Variants in CSMD1 observed in about 807,000 individuals in gnomAD.
CSMD1 encodes the protein CUB and sushi domain-containing protein 1.
A neutral mutation model predicts 417.5 loss-of-function variants in CSMD1; 213 were observed. That is an observed-to-expected ratio of 0.51 (90% CI 0.46 to 0.57). The LOEUF is 0.57. Ranked by LOEUF, CSMD1 falls within the 20% of genes least tolerant of loss-of-function variation. The probability of loss-of-function intolerance (pLI) is 0.00; values close to 1 mark genes in which losing one functional copy is unlikely to be tolerated. For missense variants in CSMD1, 6,923 were observed against 4,529.7 expected (o/e 1.53, Z -15.17); for synonymous variants, 2,862 against 1,736.8 (o/e 1.65, Z -16.11).
rs988351340 is a variant in CSMD1, at chr8:2,938,040, G to C, written c.*545C>G. The C allele has an allele frequency of 2.0e-5, 3 of 152,720 alleles. No homozygotes were observed. The highest frequency in any genetic ancestry group is 4.8e-5 in the African/African-American group (2 of 41,470). The allele number at this position is 152,720 out of a possible 1,614,324, so 9.5% of individuals were successfully genotyped here. ...GCTGTGAGGTCCTCAAAGCTTGTCA[G>C]GTCTCGGAAGGACAGAGTGAAGCAT... On this transcript the variant is annotated 3_prime_UTR_variant, in exon 70 of 70. Coordinates refer to ENST00000635120, the MANE Select transcript of CSMD1 (RefSeq NM_033225.6).
chr8:3,182,450 A>C (rs1429582354), intron 36 of CSMD1, among the ~76,000 whole-genome samples: 3 of 152,006 alleles, frequency 2.0e-5, no homozygotes, highest in African/African-American at 7.2e-5. Flanking sequence ...CCTGACCTCA[A>C]GTGATCTGCT....
chr8:3,088,030 T>A (rs1049811243), intron 48 of CSMD1, among the ~76,000 whole-genome samples: 1 of 152,222 alleles, frequency 6.6e-6, no homozygotes, highest in African/African-American at 2.4e-5. Context: ...ATTAACCTTC[T>A]TTTTTAGCAT....
intron 5 of CSMD1, among the ~76,000 whole-genome samples, chr8:3,919,714 G>C (rs1809096842): frequency 6.6e-6 from 1 of 152,054 alleles, no homozygotes; most frequent in African/African-American, 2.4e-5. Context: ...ATCTGTAGAT[G>C]ACTTTGCGTA....
chr8:3,878,939 T>C (rs1007353462), intron 5 of CSMD1, among the ~76,000 whole-genome samples: 1 of 152,170 alleles, frequency 6.6e-6, no homozygotes, highest in Non-Finnish European at 1.5e-5. Flanking sequence ...AGAAAATAAC[T>C]TTAATATATG....
chr8:4,717,834 T>A (rs1294009771), intron 1 of CSMD1, among the ~76,000 whole-genome samples: 1 of 152,106 alleles, frequency 6.6e-6, no homozygotes, highest in Non-Finnish European at 1.5e-5. Flanking sequence ...ACCCCAGGAA[T>A]CTCTTCACAT....
intron 44 of CSMD1, among the ~76,000 whole-genome samples, 173 bp from the exon 45 acceptor site, chr8:3,107,971 A>G (rs1382864759): frequency 6.6e-6 from 1 of 152,312 alleles, no homozygotes; most frequent in Non-Finnish European, 1.5e-5. Flanking sequence ...TGTTCATATT[A>G]TTATTTAGTG....
intron 2 of CSMD1, among the ~76,000 whole-genome samples, chr8:4,503,895 C>G (rs1315652331): frequency 1.3e-5 from 2 of 151,230 alleles, no homozygotes; most frequent in Admixed American, 1.3e-4. Context: ...CCTCTCCTAC[C>G]TGATTCTGCT....
Position 3,179,134 on chromosome 8 carries a change from A to T in CSMD1, c.5725+1976T>A, listed in dbSNP as rs570278969. The stretch of plus-strand genomic sequence containing the variant: ...CTAATTCTTTGTATTTTTAGTAGAT[A>T]CGGGGTTTCAACGTGTTAGCCAGGA... On this transcript the variant is annotated intron_variant, in intron 37 of 69. Transcript: ENST00000635120. 3.3e-5 allele frequency among the ~76,000 whole-genome samples: 5 copies of T among 150,930 alleles called. No individual in the cohort carries two copies. The East Asian group carries it at 5.9e-4, about 18-fold the overall frequency.
intron 1 of CSMD1, among the ~76,000 whole-genome samples, chr8:4,691,245 AG>A (rs1039246639): frequency 3.0e-4 from 45 of 152,302 alleles, no homozygotes; most frequent in African/African-American, 1.1e-3. Context: ...TAAATGGGAA[AG>A]CCAACCTGTC....
At chr8:3,347,930 TAGAC>T (rs1342376475) in intron 22 of CSMD1, 58 bp downstream of exon 22, 3 of 1,163,542 alleles carry the variant, frequency 2.6e-6, no homozygotes, top group South Asian at 3.1e-5. Flanking sequence ...GAAAAATAGA[TAGAC>T]AATGTATTTT....
intron 2 of CSMD1, among the ~76,000 whole-genome samples, chr8:4,480,331 G>C (rs1241800889): frequency 6.6e-6 from 1 of 152,122 alleles, no homozygotes; most frequent in East Asian, 1.9e-4. Context: ...TGCAGCCTTT[G>C]AGAAACTGGT....
chr8:4,748,636 G>A (rs1811108136), intron 1 of CSMD1, among the ~76,000 whole-genome samples: 1 of 152,122 alleles, frequency 6.6e-6, no homozygotes, highest in Admixed American at 6.5e-5. Flanking sequence ...TTTATTGACT[G>A]GAATGTCTCC....
intron 1 of CSMD1, among the ~76,000 whole-genome samples, chr8:4,956,674 G>A (rs1809134740): frequency 1.3e-5 from 2 of 151,952 alleles, no homozygotes; most frequent in Non-Finnish European, 2.9e-5. Context: ...AAACAAACAA[G>A]TTGATATTCA....
intron 1 of CSMD1, among the ~76,000 whole-genome samples, chr8:4,753,960 C>G (rs1221763099): frequency 6.6e-6 from 1 of 152,164 alleles, no homozygotes; most frequent in Non-Finnish European, 1.5e-5. Flanking sequence ...TTTAAAAAAG[C>G]AAATGAACAG....
intron 1 of CSMD1, among the ~76,000 whole-genome samples, chr8:4,694,814 T>G (rs958885618): frequency 1.3e-5 from 2 of 152,100 alleles, no homozygotes; most frequent in Non-Finnish European, 2.9e-5. Context: ...AAAATAAACT[T>G]TCTAAATTGA....
At position 4,839,572 on chromosome 8, in the gene CSMD1, G is replaced by A. The variant is rs556813021; in HGVS notation, c.85+154760C>T. On this transcript the variant is annotated intron_variant, in intron 1 of 69. Transcript: ENST00000635120. ...TGGACCACTAAAATGAACAACGATC[G>A]GCCCAAGAGATGAAATAACATAGTT... is the stretch of plus-strand genomic sequence containing the variant. 8.5e-5 allele frequency among the ~76,000 whole-genome samples: 13 copies of A among 152,062 alleles called. No individual in the cohort carries two copies. The East Asian group carries it at 1.7e-3, about 20-fold the overall frequency.
chr8:4,594,288 C>G (rs1365353708), intron 2 of CSMD1, among the ~76,000 whole-genome samples: 1 of 145,646 alleles, frequency 6.9e-6, no homozygotes, highest in Non-Finnish European at 1.5e-5. Flanking sequence ...ACTGCAACCT[C>G]TGACTCCTGG....
intron 2 of CSMD1, among the ~76,000 whole-genome samples, chr8:4,503,568 T>A (rs1043380923): frequency 6.6e-6 from 1 of 152,160 alleles, no homozygotes; most frequent in African/African-American, 2.4e-5. Context: ...GATTGGTATA[T>A]GATAAACATA....
At chr8:3,477,051 G>T (rs62474175) in intron 11 of CSMD1, among the ~76,000 whole-genome samples, 1 of 151,788 alleles carries the variant, frequency 6.6e-6, no homozygotes, top group South Asian at 2.1e-4. Flanking sequence ...TGGTTACACA[G>T]ATCTATACAT....
Sources: gnomAD v4.1 joint callset for allele counts (sites outside exome capture counted in the v4.1 genomes callset) on GRCh38, gnomAD v4.1.1 for gene constraint, MANE v1.5 for transcripts, NCBI Gene and HGNC (gene_info 2026-07-23, HGNC 2026-07-21) for gene names.